The following RARRES1 variants were observed in gnomAD, a reference collection of about 807,000 sequenced individuals.
The protein encoded by RARRES1 is retinoic acid receptor responder protein 1.
In RARRES1, 34 loss-of-function variants were observed where a neutral mutation model predicts 30.6. The observed-to-expected ratio is 1.11, with a 90% CI of 0.84 to 1.48. The LOEUF (loss-of-function observed/expected upper bound fraction) is 1.48. Among genes scored for constraint, RARRES1 ranks in the 40% most tolerant of loss-of-function variants. The pLI, the probability that RARRES1 is intolerant of heterozygous loss-of-function variation, is 0.00. For synonymous variants in RARRES1, 153 were observed against 155.5 expected, an observed-to-expected ratio of 0.98 and a Z score of 0.12; for missense variants, 373 against 386.5, an observed-to-expected ratio of 0.97 and a Z score of 0.29.
chr3:158,699,584 C>T (rs1726659165), intron 4 of RARRES1, among the ~76,000 whole-genome samples: 1 of 151,992 alleles, frequency 6.6e-6, no homozygotes, highest in South Asian at 2.1e-4. Context: ...TTCTTTGCCT[C>T]GCTGAAGACT....
chr3:158,714,875 TAAAC>T (rs1029432236), intron 1 of RARRES1, among the ~76,000 whole-genome samples: 1 of 152,226 alleles, frequency 6.6e-6, no homozygotes, highest in African/African-American at 2.4e-5. Flanking sequence ...AGCAATTCAA[TAAAC>T]AAACAGCATT....
chr3:158,716,727 G>A (rs1472222226), intron 1 of RARRES1, among the ~76,000 whole-genome samples: 1 of 152,046 alleles, frequency 6.6e-6, no homozygotes, highest in East Asian at 1.9e-4. Flanking sequence ...GAGACTACAG[G>A]TGCACGCTGC....
In RARRES1 at chr3:158,697,965, A is replaced by G; in HGVS notation, c.678T>C (p.Thr226=). The G allele has an allele frequency of 2.0e-6, 3 of 1,515,302 alleles. No homozygotes were observed. Among genetic ancestry groups the G allele is most frequent in the Non-Finnish European group, 2.7e-6 (3 of 1,095,112 alleles). The allele number at this position is 1,515,302 out of a possible 1,614,324, so 93.9% of individuals were successfully genotyped here. The change falls in exon 5 of 6, where the codon ACT becomes ACC. Residue 226 remains threonine, a synonymous_variant. Transcript: ENST00000237696. ...AATCAAAATCAATTGTATCATCATT[A>G]GTTTTCTAGAGGGAGAAAAAAGAGT... is the stretch of plus-strand genomic sequence containing the variant. ...AQLTSVRQWK[T]NDDTIDFDYT...
intron 1 of RARRES1, among the ~76,000 whole-genome samples, chr3:158,721,890 G>A (rs1727522429): frequency 1.3e-5 from 2 of 151,940 alleles, no homozygotes; most frequent in Non-Finnish European, 2.9e-5. Context: ...TCGAGTGTTC[G>A]AGACCAGCCT....
In RARRES1 at chr3:158,716,006, C is replaced by T. The variant is rs987503574; in HGVS notation, c.277-2147G>A. Among the ~76,000 whole-genome samples, 35 of 152,234 alleles carry T rather than the reference C, an allele frequency of 2.3e-4. 1 individual carries two copies. The highest frequency in any genetic ancestry group is 2.2e-3 in the Admixed American group (33 of 15,288). ...TGGGTTCTAAGCCTTGAATGGGTCG[C>T]TGCACCCCGCACCTGCTATGTGCAC... On this transcript the variant is annotated intron_variant, in intron 1 of 5. Transcript: ENST00000237696.
At chr3:158,719,821 C>T (rs1414103598) in intron 1 of RARRES1, among the ~76,000 whole-genome samples, 1 of 152,160 alleles carries the variant, frequency 6.6e-6, no homozygotes, top group African/African-American at 2.4e-5. Context: ...GACCTGAACT[C>T]ATCACACTAG....
chr3:158,732,455 C>G lies in RARRES1; in HGVS notation c.-40G>C. On this transcript the variant is annotated 5_prime_UTR_variant, in exon 1 of 6. Coordinates refer to ENST00000237696, the MANE Select transcript of RARRES1 (RefSeq NM_206963.2). ...TGGCTCGGCACCCGACAGACACGGGCTCGGAGCGGGCAGTGCCGGCGCTCG... is the reference window on the plus strand; with the variant it reads ...TGGCTCGGCACCCGACAGACACGGGGTCGGAGCGGGCAGTGCCGGCGCTCG... The G allele has an allele frequency of 6.6e-7, 1 of 1,517,156 alleles. No individual in the cohort carries two copies. The highest frequency in any genetic ancestry group is 8.8e-7 in the Non-Finnish European group (1 of 1,137,428). The allele number at this position is 1,517,156 out of a possible 1,614,324, so 94.0% of individuals were successfully genotyped here.
intron 3 of RARRES1, among the ~76,000 whole-genome samples, chr3:158,708,954 G>GC (rs927567499): frequency 5.3e-5 from 8 of 152,084 alleles, no homozygotes; most frequent in African/African-American, 1.7e-4. Context: ...ACCGCGCCTG[G>GC]CCCCCCTGAG....
In RARRES1 at chr3:158,723,089, T is replaced by C. The variant is rs2108151160; in HGVS notation, c.276+9051A>G. 6.6e-6 allele frequency among the ~76,000 whole-genome samples: 1 copy of C among 152,196 alleles called. No individual in the cohort carries two copies. The highest frequency in any genetic ancestry group is 2.1e-4 in the South Asian group (1 of 4,814). ...TCCCCCTCTCTGCAGTGTCTGTCAT[T>C]GGTTGCTAAGCGCTGGTCCTTCCTG... On this transcript the variant is annotated intron_variant, in intron 1 of 5. Transcript: ENST00000237696. The surrounding 1 kb of genome is among the most constrained non-coding windows in gnomAD (Gnocchi z 4.4).
At chr3:158,708,410 C>T (rs1726995696) in intron 3 of RARRES1, among the ~76,000 whole-genome samples, 1 of 152,188 alleles carries the variant, frequency 6.6e-6, no homozygotes, top group African/African-American at 2.4e-5. Flanking sequence ...TATAGAACCA[C>T]TTGGGCAGAC....
At position 158,732,345 on chromosome 3, in the gene RARRES1, A is replaced by T; in HGVS notation, c.71T>A (p.Leu24Gln). Residue 24 changes from leucine (L) to glutamine (Q), a missense_variant, in exon 1 of 6, where the codon CTG becomes CAG. Transcript: ENST00000237696. The stretch of plus-strand genomic sequence containing the variant: ...GGCGAGCAACAGCAGCAGCGCGAGC[A>T]GCGGGGCGGTGGGGCGCGGGCCCCT... ...GPRGPRPTAP[L>Q]LALLLLLAPV... is the part of the protein sequence containing the mutation. 1 of 1,420,002 alleles carries T rather than the reference A, an allele frequency of 7.0e-7. No individual in the cohort carries two copies. The highest frequency in any genetic ancestry group is 9.1e-7 in the Non-Finnish European group (1 of 1,095,032). 88.0% of individuals were successfully genotyped at this position (1,420,002 alleles called of 1,614,324 possible). A position where few individuals can be genotyped will look rare whatever the true frequency, so the allele number is the denominator to read the frequency against.
intron 3 of RARRES1, among the ~76,000 whole-genome samples, chr3:158,710,025 C>T (rs1010498985): frequency 9.9e-5 from 15 of 152,212 alleles, no homozygotes; most frequent in African/African-American, 3.6e-4. Flanking sequence ...AGAGTAGTGG[C>T]TCTGGAGGCT....
intron 1 of RARRES1, among the ~76,000 whole-genome samples, chr3:158,717,654 A>G (rs1409874679): frequency 6.6e-6 from 1 of 152,226 alleles, no homozygotes; most frequent in Non-Finnish European, 1.5e-5. Flanking sequence ...AGGGATTTTG[A>G]AAAGATCCCT....
At chr3:158,708,767 C>T (rs1727011798) in intron 3 of RARRES1, among the ~76,000 whole-genome samples, 3 of 151,938 alleles carry the variant, frequency 2.0e-5, no homozygotes, top group East Asian at 3.9e-4. Flanking sequence ...CTGGTTCAAG[C>T]GCGATTCTTT....
chr3:158,722,754 C>T (rs1043611878), intron 1 of RARRES1, among the ~76,000 whole-genome samples: 11 of 151,900 alleles, frequency 7.2e-5, no homozygotes, highest in East Asian at 3.9e-4. Context: ...TGGTGGCGGG[C>T]GCCTGTAGTC....
At chr3:158,713,642 G>C (rs1727219245) in intron 2 of RARRES1, among the ~76,000 whole-genome samples, 155 bp downstream of exon 2, 1 of 152,180 alleles carries the variant, frequency 6.6e-6, no homozygotes, top group African/African-American at 2.4e-5. Flanking sequence ...CTCTTGCCTA[G>C]TTCTGTTCTT....
chr3:158,730,331 A>C (rs1205473035), intron 1 of RARRES1, among the ~76,000 whole-genome samples: 1 of 145,836 alleles, frequency 6.9e-6, no homozygotes, highest in Non-Finnish European at 1.5e-5. Flanking sequence ...AAAAAAAAAA[A>C]AAAAAAACAA....
At chr3:158,701,264 C>A (rs1576807294) in intron 4 of RARRES1, among the ~76,000 whole-genome samples, 1 of 152,092 alleles carries the variant, frequency 6.6e-6, no homozygotes, top group East Asian at 1.9e-4. Context: ...TTGGCACTGT[C>A]CTCATAGTAT....
Position 158,697,663 on chromosome 3 carries a change from G to T in RARRES1, c.*15C>A, listed in dbSNP as rs753464617. 2 of 1,597,774 alleles carry T rather than the reference G, an allele frequency of 1.3e-6. No individual in the cohort carries two copies. The highest frequency in any genetic ancestry group is 2.2e-5 in the South Asian group (2 of 89,302). On this transcript the variant is annotated 3_prime_UTR_variant, in exon 6 of 6. Transcript: ENST00000237696. ...GTCACTTGTTTAGAAGTCGGAAAAAGATCATTTTTTCTTTTTAGAAATTAC... is the reference window on the plus strand; with the variant it reads ...GTCACTTGTTTAGAAGTCGGAAAAATATCATTTTTTCTTTTTAGAAATTAC...
Sources: allele counts gnomAD v4.1 joint callset (sites outside exome capture counted in the v4.1 genomes callset), GRCh38; gene constraint gnomAD v4.1.1; non-coding constraint Gnocchi (gnomAD v3.1); transcripts MANE v1.5; gene names NCBI Gene and HGNC (gene_info 2026-07-23, HGNC 2026-07-21).